CASK: variants seen among roughly 807,000 people sequenced by gnomAD.
CASK encodes the protein peripheral plasma membrane protein CASK.
In CASK, 4 loss-of-function variants were observed where a neutral mutation model predicts 82.9. That is an observed-to-expected ratio of 0.05 (90% CI 0.02 to 0.11). The LOEUF is 0.11. Among genes scored for constraint, CASK ranks in the 10% least tolerant of loss-of-function variants. The probability of loss-of-function intolerance (pLI) is 1.00; values close to 1 mark genes in which losing one functional copy is unlikely to be tolerated. For synonymous variants in CASK, 259 were observed against 253.5 expected, an observed-to-expected ratio of 1.02 and a Z score of -0.20; for missense variants, 358 against 720.9, an observed-to-expected ratio of 0.50 and a Z score of 5.76.
At chrX:41,753,662 G>A (rs1293828097) in intron 3 of CASK, among the ~76,000 whole-genome samples, 2 of 112,334 alleles carry the variant, frequency 1.8e-5, no homozygotes, top group Admixed American at 1.9e-4. Context: ...AAGGTGAGAG[G>A]ATCATTTGAG....
chrX:41,614,474 G>T (rs1425961630), intron 11 of CASK, among the ~76,000 whole-genome samples: 1 of 111,821 alleles, frequency 8.9e-6, no homozygotes, highest in Non-Finnish European at 1.9e-5. Flanking sequence ...TTGTTGTGTG[G>T]ATGTACCAGT....
chrX:41,740,396 T>C (rs1348394157), intron 4 of CASK, among the ~76,000 whole-genome samples: 1 of 110,201 alleles, frequency 9.1e-6, no homozygotes, highest in Non-Finnish European at 1.9e-5. Context: ...ATAATATTTA[T>C]AGAATTTTGT....
chrX:41,821,675 C>T (rs1284803612), intron 2 of CASK, among the ~76,000 whole-genome samples: 1 of 112,327 alleles, frequency 8.9e-6, no homozygotes, highest in East Asian at 2.8e-4. Context: ...AAAAACTTTG[C>T]TATATGCATG....
chrX:41,747,731 G>GCGCC (rs1242652126), intron 3 of CASK, among the ~76,000 whole-genome samples: 1 of 112,583 alleles, frequency 8.9e-6, no homozygotes, highest in Non-Finnish European at 1.9e-5. Flanking sequence ...ATGAGCCACT[G>GCGCC]CGCCCGGCCT....
At chrX:41,852,837 T>TA (rs751945206) in intron 2 of CASK, among the ~76,000 whole-genome samples, 13 of 108,209 alleles carry the variant, frequency 1.2e-4, no homozygotes, top group African/African-American at 3.0e-4. Context: ...AATTAGACCC[T>TA]AAAAAAAAAG....
At chrX:41,894,597 T>TAAAAAAAAA (rs1209248352) in intron 1 of CASK, among the ~76,000 whole-genome samples, 17 of 40,466 alleles carry the variant, frequency 4.2e-4, no homozygotes, top group Non-Finnish European at 6.0e-4. Flanking sequence ...ACCCAAATAT[T>TAAAAAAAAA]AAAAAAAAAA....
chrX:41,849,587 C>T (rs998417011), intron 2 of CASK, among the ~76,000 whole-genome samples: 1 of 111,449 alleles, frequency 9.0e-6, no homozygotes, highest in African/African-American at 3.3e-5. Context: ...AATAATATGC[C>T]TTTTTAGGAA....
Position 41,646,383 on chromosome X carries a change from G to C in CASK, c.832-9722C>G, listed in dbSNP as rs553622075. On this transcript the variant is annotated intron_variant, in intron 8 of 26. Coordinates refer to ENST00000378163, the MANE Select transcript of CASK (RefSeq NM_001367721.1). Reference sequence around the variant, plus strand: ...CTATTTAAAAAACAATTGCTCCTCTGGTGGAAAGGAATGCCTGGAGGCTAC... The same window carrying C: ...CTATTTAAAAAACAATTGCTCCTCTCGTGGAAAGGAATGCCTGGAGGCTAC... 7.2e-5 allele frequency among the ~76,000 whole-genome samples: 8 copies of C among 111,040 alleles called. No homozygotes were observed. The South Asian group carries it at 3.1e-3, about 43-fold the overall frequency.
In CASK at chrX:41,517,442, G is replaced by C; in HGVS notation, c.*2978C>G. On this transcript the variant is annotated 3_prime_UTR_variant, in exon 27 of 27. Transcript: ENST00000378163. The stretch of plus-strand genomic sequence containing the variant: ...AAATTGAGTGACATTTCCCTTTTTA[G>C]CATTAAAATGGGATATGCTGTATGT... 6.1e-6 allele frequency: 1 copy of C among 164,203 alleles called. No individual in the cohort carries two copies. The highest frequency in any genetic ancestry group is 1.4e-4 in the East Asian group (1 of 7,154). The allele number at this position is 164,203 out of a possible 1,213,427, so 13.5% of individuals were successfully genotyped here.
intron 3 of CASK, among the ~76,000 whole-genome samples, chrX:41,778,857 C>T (rs1198984769): frequency 1.9e-5 from 2 of 106,196 alleles, no homozygotes; most frequent in African/African-American, 6.8e-5. Context: ...ACTGTATTTA[C>T]AGTTAAAAAG....
At chrX:41,901,877 T>G (rs2072388340) in intron 1 of CASK, among the ~76,000 whole-genome samples, 1 of 111,951 alleles carries the variant, frequency 8.9e-6, no homozygotes, top group African/African-American at 3.2e-5. Flanking sequence ...CTTAAGGGAC[T>G]AGCCTGGTGC....
At chrX:41,718,575 C>T (rs2068104142) in intron 5 of CASK, among the ~76,000 whole-genome samples, 1 of 112,303 alleles carries the variant, frequency 8.9e-6, no homozygotes, top group Non-Finnish European at 1.9e-5. Flanking sequence ...TGGGAGAAAT[C>T]CCCACACATT....
intron 12 of CASK, among the ~76,000 whole-genome samples, chrX:41,607,011 A>T (rs2065973706): frequency 8.9e-6 from 1 of 112,402 alleles, no homozygotes; most frequent in Admixed American, 9.4e-5. Context: ...CACCTTTTTA[A>T]TAGGCATGGT....
At chrX:41,616,418 G>A (rs977825458) in intron 11 of CASK, among the ~76,000 whole-genome samples, 1 of 110,609 alleles carries the variant, frequency 9.0e-6, no homozygotes, top group African/African-American at 3.3e-5. Context: ...AGTAAATGGT[G>A]GAGCCAGGAC....
chrX:41,688,588 A>G (rs2067484816), intron 5 of CASK, among the ~76,000 whole-genome samples: 2 of 112,198 alleles, frequency 1.8e-5, no homozygotes, highest in Non-Finnish European at 3.8e-5. Context: ...ATACATGAAA[A>G]TATGCTAAAA....
At chrX:41,803,317 C>T (rs1442176201) in intron 2 of CASK, among the ~76,000 whole-genome samples, 1 of 111,723 alleles carries the variant, frequency 9.0e-6, no homozygotes, top group Non-Finnish European at 1.9e-5. Context: ...GGGCTGGGCA[C>T]GGTGGCTCAC....
At chrX:41,677,078 G>A (rs911651839) in intron 5 of CASK, among the ~76,000 whole-genome samples, 1 of 108,643 alleles carries the variant, frequency 9.2e-6, no homozygotes, top group African/African-American at 3.4e-5. Context: ...GAGCCAAGGC[G>A]GGAAGATTGC....
intron 1 of CASK, among the ~76,000 whole-genome samples, chrX:41,912,555 A>G (rs62589239): frequency 0.19 from 20,330 of 106,261 alleles, 1,629 homozygotes; most frequent in Middle Eastern, 0.31. Flanking sequence ...TGAGCCACCC[A>G]CCTCAGCCTT....
intron 12 of CASK, among the ~76,000 whole-genome samples, chrX:41,602,446 T>C (rs188171289): frequency 3.0e-3 from 334 of 111,946 alleles, no homozygotes; most frequent in Middle Eastern, 9.4e-3. Context: ...TAATCTGGTA[T>C]CTTGTGACCT....
Sources: gnomAD v4.1 joint callset for allele counts (sites outside exome capture counted in the v4.1 genomes callset) on GRCh38, gnomAD v4.1.1 for gene constraint, MANE v1.5 for transcripts, NCBI Gene and HGNC (gene_info 2026-07-23, HGNC 2026-07-21) for gene names.